Variants in OR9K2 observed in about 807,000 individuals in gnomAD.
OR9K2 encodes olfactory receptor 9K2.
Under a neutral mutation model 12.4 loss-of-function variants are expected in OR9K2, and 16 were observed. The observed-to-expected ratio is 1.29, with a 90% CI of 0.87 to 1.95. The LOEUF (loss-of-function observed/expected upper bound fraction) is 1.95, where lower values mean the gene tolerates loss of function less well. OR9K2 is among the 30% of genes most tolerant of loss of function. The pLI is 0.00. For missense variants in OR9K2, 434 were observed against 376.5 expected, an observed-to-expected ratio of 1.15 and a Z score of -1.26; for synonymous variants, 133 against 133.2, an observed-to-expected ratio of 1.00 and a Z score of 0.01.
intron 2 of OR9K2, among the ~76,000 whole-genome samples, chr12:55,129,346 C>G (rs1218003070): frequency 1.3e-5 from 2 of 151,848 alleles, no homozygotes; most frequent in Admixed American, 1.3e-4. Flanking sequence ...TCAGTCACTT[C>G]CTTTATATTT....
rs747494108 is a variant in OR9K2 at position 55,130,499 on chromosome 12, T to C, written c.665T>C (p.Met222Thr). ...ATCATAGTCATTATAGTATCTTACA[T>C]GTATATTGTGTCCACAGTTCTAAAG... ...PTIIVIIVSYMYIVSTVLKIH... is the reference protein window; with the variant it reads ...PTIIVIIVSYTYIVSTVLKIH... The change falls in exon 3 of 3, where the codon ATG becomes ACG. Residue 222 changes from methionine (M) to threonine (T), a missense_variant. By Grantham distance (81) the Met-to-Thr change is moderately conservative. Coordinates refer to ENST00000641329, the MANE Select transcript of OR9K2 (RefSeq NM_001005243.2). 255 of 1,613,632 alleles carry C rather than the reference T, an allele frequency of 1.6e-4. No individual in the cohort carries two copies. Among genetic ancestry groups the C allele is most frequent in the Non-Finnish European group, 2.1e-4 (250 of 1,179,728 alleles).
At chr12:55,127,600 C>A (rs1368130842) in intron 2 of OR9K2, among the ~76,000 whole-genome samples, 2 of 151,932 alleles carry the variant, frequency 1.3e-5, no homozygotes, top group Admixed American at 6.6e-5. Context: ...CAGCTTTTCT[C>A]TTAATAATCT....
At position 55,131,913 on chromosome 12, in the gene OR9K2, G is replaced by C. The variant is rs1953476146; in HGVS notation, c.*1137G>C. The C allele has an allele frequency of 6.6e-6, 1 of 152,154 alleles. No individual in the cohort carries two copies. Among genetic ancestry groups the C allele is most frequent in the South Asian group, 2.1e-4 (1 of 4,832 alleles). The allele number at this position is 152,154 out of a possible 1,614,324, so 9.4% of individuals were successfully genotyped here. A position where few individuals can be genotyped will look rare whatever the true frequency, so the allele number is the denominator to read the frequency against. ...ATGTCGATATTAATGAACAAAGGCA[G>C]ATTTTTTAAACTGCAGGTAAAAGAC... On this transcript the variant is annotated 3_prime_UTR_variant, in exon 3 of 3. Coordinates refer to ENST00000641329, the MANE Select transcript of OR9K2 (RefSeq NM_001005243.2).
In OR9K2 at chr12:55,130,832, T is replaced by C; in HGVS notation, c.*56T>C. ...GGCTATTTATTTAATACACCTGTGT[T>C]CATTAATAAAAGTTACTCTCCCGAA... On this transcript the variant is annotated 3_prime_UTR_variant, in exon 3 of 3. Transcript: ENST00000641329. The C allele has an allele frequency of 1.0e-6, 1 of 982,128 alleles. No individual in the cohort carries two copies. The highest frequency in any genetic ancestry group is 1.5e-6 in the Non-Finnish European group (1 of 666,386). The allele number at this position is 982,128 out of a possible 1,614,324, so 60.8% of individuals were successfully genotyped here.
intron 2 of OR9K2, 72 bp from the exon 3 acceptor site, chr12:55,129,753 TA>T: frequency 6.4e-7 from 1 of 1,569,056 alleles, no homozygotes; most frequent in Non-Finnish European, 8.7e-7. Flanking sequence ...CCTAATACCA[TA>T]AGAGATTATT....
chr12:55,129,575 GA>G, intron 2 of OR9K2: 1 of 557,656 alleles, frequency 1.8e-6, no homozygotes. Context: ...CATTTGGGTA[GA>G]AAGGCATTGT....
Position 55,130,809 on chromosome 12 carries a change from C to G in OR9K2, c.*33C>G. ...TTCTCTTTCACCAATTTTATTGTGG[C>G]TATTTATTTAATACACCTGTGTTCA... On this transcript the variant is annotated 3_prime_UTR_variant, in exon 3 of 3. Coordinates refer to ENST00000641329, the MANE Select transcript of OR9K2 (RefSeq NM_001005243.2). 7.8e-7 allele frequency: 1 copy of G among 1,276,292 alleles called. No homozygotes were observed. Among genetic ancestry groups the G allele is most frequent in the African/African-American group, 1.5e-5 (1 of 66,498 alleles). The allele number at this position is 1,276,292 out of a possible 1,614,324, so 79.1% of individuals were successfully genotyped here.
rs1395277754 is a variant in OR9K2 at position 55,130,629 on chromosome 12, T to C, written c.795T>C (p.Pro265=). 28 of 1,613,864 alleles carry C rather than the reference T, an allele frequency of 1.7e-5. No homozygotes were observed. The highest frequency in any genetic ancestry group is 2.3e-5 in the Non-Finnish European group (27 of 1,179,902). ...YGAVFFMYLT[P]DRFPELSKVA... ...CTGTCTTTTTTATGTATCTCACTCC[T>C]GACAGATTTCCTGAGCTGAGTAAAG... is the stretch of plus-strand genomic sequence containing the variant. Residue 265 remains proline (P), a synonymous_variant, in exon 3 of 3, where the codon CCT becomes CCC. Transcript: ENST00000641329.
chr12:55,132,321 C>T lies in OR9K2; in HGVS notation c.*1545C>T, dbSNP rs1439987210. On this transcript the variant is annotated 3_prime_UTR_variant, in exon 3 of 3. Coordinates refer to ENST00000641329, the MANE Select transcript of OR9K2 (RefSeq NM_001005243.2). ...TGTGTTGAAGCCCTAAACCCTAGTA[C>T]TTCAGAATGTGACTTTAATTAGTGA... 1.3e-5 allele frequency: 2 copies of T among 152,166 alleles called. No homozygotes were observed. Among genetic ancestry groups the T allele is most frequent in the African/African-American group, 4.8e-5 (2 of 41,436 alleles). The allele number at this position is 152,166 out of a possible 1,614,324, so 9.4% of individuals were successfully genotyped here.
chr12:55,128,279 G>A (rs888939026), intron 2 of OR9K2, among the ~76,000 whole-genome samples: 81 of 151,548 alleles, frequency 5.3e-4, no homozygotes, highest in African/African-American at 1.9e-3. Context: ...TGGATGAGAT[G>A]TTTTGACCCA....
In OR9K2 at chr12:55,131,504, G is replaced by C. The variant is rs1424093285; in HGVS notation, c.*728G>C. ...TAATTGATAAGGAATAGTTAATAAA[G>C]GTATAGAATCAGGGAAGTCATCAAA... is the stretch of plus-strand genomic sequence containing the variant. On this transcript the variant is annotated 3_prime_UTR_variant, in exon 3 of 3. Transcript: ENST00000641329. 1 of 152,004 alleles carries C rather than the reference G, an allele frequency of 6.6e-6. No homozygotes were observed. The highest frequency in any genetic ancestry group is 1.5e-5 in the Non-Finnish European group (1 of 67,994). The allele number at this position is 152,004 out of a possible 1,614,324, so 9.4% of individuals were successfully genotyped here. A position where few individuals can be genotyped will look rare whatever the true frequency, so the allele number is the denominator to read the frequency against.
At chr12:55,127,918 A>C (rs1421796855) in intron 2 of OR9K2, among the ~76,000 whole-genome samples, 1 of 152,030 alleles carries the variant, frequency 6.6e-6, no homozygotes, top group Non-Finnish European at 1.5e-5. Context: ...TTTATATATG[A>C]GAATACAGTA....
chr12:55,127,401 A>G (rs1565620618), intron 2 of OR9K2, among the ~76,000 whole-genome samples: 1 of 151,908 alleles, frequency 6.6e-6, no homozygotes, highest in Non-Finnish European at 1.5e-5. Context: ...TCAAAAAATG[A>G]TTTTTCATGC....
rs758713698 is a variant in OR9K2, at chr12:55,129,999, T to A, written c.165T>A (p.Asp55Glu). ...GGATGATGACCATTATTATGACTGA[T>A]CCTCGGCTGAACACACCAATGTATT... ...NVGMMTIIMT[D>E]PRLNTPMYFF... is the part of the protein sequence containing the mutation. The change falls in exon 3 of 3, where the codon GAT becomes GAA. Residue 55 changes from aspartate to glutamate, a missense_variant. Asp to Glu is a conservative substitution (Grantham distance 45). Transcript: ENST00000641329. 3.1e-5 allele frequency: 50 copies of A among 1,613,798 alleles called. No individual in the cohort carries two copies. In the African/African-American group the frequency reaches 5.3e-4, roughly 17 times the overall value.
At chr12:55,127,120 A>G (rs917781932) in intron 2 of OR9K2, among the ~76,000 whole-genome samples, 2 of 151,892 alleles carry the variant, frequency 1.3e-5, no homozygotes, top group Admixed American at 6.6e-5. Context: ...CTGATTCCAC[A>G]TACTCATTAT....
chr12:55,129,329 T>C (rs1044814950), intron 2 of OR9K2, among the ~76,000 whole-genome samples: 1 of 152,138 alleles, frequency 6.6e-6, no homozygotes, highest in African/African-American at 2.4e-5. Flanking sequence ...AGGTTTTTTT[T>C]TTTAACTCAG....
In OR9K2 at chr12:55,130,666, T is replaced by A. The variant is rs748190673; in HGVS notation, c.832T>A (p.Cys278Ser). 1.2e-6 allele frequency: 2 copies of A among 1,613,168 alleles called. No homozygotes were observed. The highest frequency in any genetic ancestry group is 1.7e-6 in the Non-Finnish European group (2 of 1,179,282). The stretch of plus-strand genomic sequence containing the variant: ...TGAGCTGAGTAAAGTGGCATCCTTA[T>A]GTTACTCCCTAGTCACTCCCATGTT... ...FPELSKVASL[C>S]YSLVTPMLNP... Residue 278 changes from cysteine to serine, a missense_variant, in exon 3 of 3, where the codon TGT (cysteine) becomes AGT (serine). By Grantham distance (112) the Cys-to-Ser change is moderately radical. Coordinates refer to ENST00000641329, the MANE Select transcript of OR9K2 (RefSeq NM_001005243.2).
At chr12:55,126,644 G>GA (rs1953430390) in intron 1 of OR9K2, 128 bp downstream of exon 1, 1 of 151,800 alleles carries the variant, frequency 6.6e-6, no homozygotes, top group African/African-American at 2.4e-5. Flanking sequence ...ATCAACTACT[G>GA]AAAAAAAGAC....
In OR9K2 at chr12:55,130,588, A is replaced by G. The variant is rs1486647521; in HGVS notation, c.754A>G (p.Ser252Gly). ...STCSSHLGVV[S>G]VLYGAVFFMY... ...CTGCAGCTCTCACCTGGGAGTTGTG[A>G]GTGTGCTGTATGGTGCTGTCTTTTT... The change falls in exon 3 of 3, where the codon AGT becomes GGT. Residue 252 changes from serine to glycine, a missense_variant. Transcript: ENST00000641329. 1.2e-6 allele frequency: 2 copies of G among 1,613,846 alleles called. No homozygotes were observed. The highest frequency in any genetic ancestry group is 1.1e-5 in the South Asian group (1 of 91,070).
Sources: allele counts gnomAD v4.1 joint callset (sites outside exome capture counted in the v4.1 genomes callset), GRCh38; gene constraint gnomAD v4.1.1; transcripts MANE v1.5; gene names NCBI Gene and HGNC (gene_info 2026-07-23, HGNC 2026-07-21).